The following BABAM2 variants were observed in gnomAD, a reference collection of about 807,000 sequenced individuals.
BABAM2 encodes BRISC and BRCA1-A complex member 2.
In BABAM2, 31 loss-of-function variants were observed where a neutral mutation model predicts 54.7. The observed-to-expected ratio is 0.57, with a 90% CI of 0.43 to 0.77. The LOEUF is 0.77. BABAM2 is among the 30% of genes least tolerant of loss of function. BABAM2 has a pLI of 0.00. For synonymous variants in BABAM2, 167 were observed against 162.9 expected (o/e 1.03, Z -0.19); for missense variants, 364 against 455.8 (o/e 0.80, Z 1.83).
At chr2:28,144,183 G>T (rs1374366271) in intron 7 of BABAM2, among the ~76,000 whole-genome samples, 1 of 152,214 alleles carries the variant, frequency 6.6e-6, no homozygotes, top group Non-Finnish European at 1.5e-5. Context: ...CAGGCACATT[G>T]TAAATACCTG....
chr2:28,223,768 C>T (rs1336521267), intron 7 of BABAM2, among the ~76,000 whole-genome samples: 1 of 152,208 alleles, frequency 6.6e-6, no homozygotes, highest in African/African-American at 2.4e-5. Context: ...ATGGTTGAAA[C>T]AGCATTTCTC....
At chr2:28,269,334 AG>A (rs1685229870) in intron 10 of BABAM2, among the ~76,000 whole-genome samples, 1 of 152,142 alleles carries the variant, frequency 6.6e-6, no homozygotes, top group Non-Finnish European at 1.5e-5. Context: ...CACCCTCTGT[AG>A]AGACTCTGTG....
intron 10 of BABAM2, among the ~76,000 whole-genome samples, chr2:28,252,053 T>C (rs778158418): frequency 2.6e-5 from 4 of 151,842 alleles, no homozygotes; most frequent in Non-Finnish European, 1.5e-5. Flanking sequence ...CCAAGTGTGG[T>C]GGCACCTGTA....
chr2:28,098,434 GT>G (rs550133948), intron 6 of BABAM2, among the ~76,000 whole-genome samples: 183 of 152,292 alleles, frequency 1.2e-3, no homozygotes, highest in Non-Finnish European at 1.9e-3. Context: ...GTTATTTTAA[GT>G]TGATTTTATT....
intron 11 of BABAM2, chr2:28,309,924 C>G (rs187552187): frequency 7.2e-6 from 5 of 691,480 alleles, no homozygotes; most frequent in Admixed American, 2.7e-5. Flanking sequence ...CCATTCCGCA[C>G]GAGCAAGCTC....
chr2:27,913,695 TG>T (rs1376145710), intron 2 of BABAM2, among the ~76,000 whole-genome samples: 1 of 152,190 alleles, frequency 6.6e-6, no homozygotes, highest in African/African-American at 2.4e-5. Context: ...CACCAAAGAA[TG>T]GCTTTTGGGC....
chr2:27,909,132 C>T (rs889502136), intron 2 of BABAM2, among the ~76,000 whole-genome samples: 28 of 152,072 alleles, frequency 1.8e-4, no homozygotes, highest in African/African-American at 6.8e-4. Flanking sequence ...GCAGCCTCCA[C>T]CTCCTGGGCT....
At chr2:28,089,558 G>A (rs1463609660) in intron 6 of BABAM2, among the ~76,000 whole-genome samples, 1 of 152,140 alleles carries the variant, frequency 6.6e-6, no homozygotes, top group Non-Finnish European at 1.5e-5. Flanking sequence ...TACTTTTGAA[G>A]TTATGATAAC....
At chr2:28,222,466 T>C (rs1034445776) in intron 7 of BABAM2, among the ~76,000 whole-genome samples, 1 of 152,226 alleles carries the variant, frequency 6.6e-6, no homozygotes. Context: ...TTTCGGCCCA[T>C]TGATGCCATG....
chr2:27,942,061 A>T (rs545533482), intron 3 of BABAM2, among the ~76,000 whole-genome samples: 1 of 152,140 alleles, frequency 6.6e-6, no homozygotes, highest in African/African-American at 2.4e-5. Context: ...TGTGTGTTTT[A>T]ACACAGTGCT....
intron 10 of BABAM2, among the ~76,000 whole-genome samples, chr2:28,260,513 G>T (rs189263183): frequency 1.3e-5 from 2 of 150,286 alleles, no homozygotes; most frequent in African/African-American, 2.4e-5. Flanking sequence ...TGTTAGCCAG[G>T]CTAGTCTTGA....
At chr2:28,074,745 C>T (rs1041993144) in intron 6 of BABAM2, among the ~76,000 whole-genome samples, 4 of 152,038 alleles carry the variant, frequency 2.6e-5, no homozygotes, top group African/African-American at 7.2e-5. Flanking sequence ...ACGTATGGGA[C>T]AGAATGGTCA....
chr2:28,018,665 C>T (rs990885776), intron 4 of BABAM2, among the ~76,000 whole-genome samples: 16 of 152,082 alleles, frequency 1.1e-4, no homozygotes, highest in African/African-American at 3.6e-4. Flanking sequence ...ACCACATCCA[C>T]GCCATCTGTT....
At chr2:28,077,620 A>G (rs1024920163) in intron 6 of BABAM2, among the ~76,000 whole-genome samples, 15 of 151,824 alleles carry the variant, frequency 9.9e-5, no homozygotes, top group African/African-American at 3.6e-4. Context: ...AAGAACAAAT[A>G]CTCTTCATTG....
chr2:28,222,719 A>G (rs895913680), intron 7 of BABAM2, among the ~76,000 whole-genome samples: 11 of 152,258 alleles, frequency 7.2e-5, no homozygotes, highest in Non-Finnish European at 1.6e-4. Flanking sequence ...TATTTGGCCA[A>G]TTAAATTGGC....
chr2:28,082,092 A>G (rs1488505460), intron 6 of BABAM2, among the ~76,000 whole-genome samples: 2 of 147,382 alleles, frequency 1.4e-5, no homozygotes, highest in Non-Finnish European at 3.0e-5. Context: ...ATGATGTGAC[A>G]GTGGCATATT....
At chr2:28,286,316 G>A (rs1221137231) in intron 10 of BABAM2, among the ~76,000 whole-genome samples, 1 of 152,088 alleles carries the variant, frequency 6.6e-6, no homozygotes, top group East Asian at 1.9e-4. Flanking sequence ...TACCATGCTG[G>A]GGGCATTATA....
At chr2:28,087,955 T>C (rs1004213839) in intron 6 of BABAM2, among the ~76,000 whole-genome samples, 1 of 152,124 alleles carries the variant, frequency 6.6e-6, no homozygotes, top group African/African-American at 2.4e-5. Flanking sequence ...TGGCCGAGGT[T>C]TTGTTTCTAA....
At chr2:28,184,255 C>CT (rs1675997947) in intron 7 of BABAM2, among the ~76,000 whole-genome samples, 1 of 59,854 alleles carries the variant, frequency 1.7e-5, no homozygotes, top group African/African-American at 6.7e-5. Flanking sequence ...TCTCTCCCTC[C>CT]CTCCCTCCCT....
Sources: allele counts gnomAD v4.1 joint callset (sites outside exome capture counted in the v4.1 genomes callset), GRCh38; gene constraint gnomAD v4.1.1; transcripts MANE v1.5; gene names NCBI Gene and HGNC (gene_info 2026-07-23, HGNC 2026-07-21).